The following P3H2 variants were observed in gnomAD, a reference collection of about 807,000 sequenced individuals.
P3H2 encodes the protein leprecan-like 1.
P3H2 carries 80 observed loss-of-function variants against 87.0 expected under a neutral mutation model. That is an observed-to-expected ratio of 0.92 (90% confidence interval 0.77 to 1.11). The LOEUF is 1.11. Ranked by LOEUF, P3H2 falls within the 50% of genes least tolerant of loss-of-function variation. The pLI is 0.00. For synonymous variants in P3H2, 367 were observed against 359.3 expected (o/e 1.02, Z -0.24); for missense variants, 1,001 against 923.9 (o/e 1.08, Z -1.08).
intron 8 of P3H2, among the ~76,000 whole-genome samples, chr3:189,981,894 C>A (rs1723546940): frequency 6.6e-6 from 1 of 152,090 alleles, no homozygotes; most frequent in South Asian, 2.1e-4. Flanking sequence ...AGGTCCAGGT[C>A]AGATTAGATG....
intron 1 of P3H2, among the ~76,000 whole-genome samples, chr3:190,069,806 T>C (rs1726634345): frequency 6.6e-6 from 1 of 152,206 alleles, no homozygotes; most frequent in Non-Finnish European, 1.5e-5. Flanking sequence ...AACTGACCAT[T>C]GGCTCTAGCA....
At chr3:189,969,295 ACCC>A in intron 13 of P3H2, 1 of 914,620 alleles carries the variant, frequency 1.1e-6, no homozygotes, top group Non-Finnish European at 1.8e-6. Context: ...GATAACATCC[ACCC>A]CCCAGGTGCA....
chr3:189,984,950 A>G (rs1723644940), intron 6 of P3H2, among the ~76,000 whole-genome samples: 2 of 152,170 alleles, frequency 1.3e-5, no homozygotes, highest in Admixed American at 6.5e-5. Flanking sequence ...ACAAGCAAAC[A>G]AAATTGAGCT....
intron 1 of P3H2, among the ~76,000 whole-genome samples, chr3:190,088,192 T>G (rs888744757): frequency 6.6e-6 from 1 of 152,222 alleles, no homozygotes; most frequent in Non-Finnish European, 1.5e-5. Context: ...TTTCTTAGGT[T>G]CTTAAAATGA....
chr3:189,994,633 C>T (rs1723989131), intron 2 of P3H2, among the ~76,000 whole-genome samples: 1 of 148,966 alleles, frequency 6.7e-6, no homozygotes. Flanking sequence ...GTGGAAGTGA[C>T]ATCCACTTTT....
chr3:190,075,265 C>A (rs1726833754), intron 1 of P3H2, among the ~76,000 whole-genome samples: 1 of 152,144 alleles, frequency 6.6e-6, no homozygotes, highest in African/African-American at 2.4e-5. Flanking sequence ...GCGGGTGGAT[C>A]ACCTGAGATC....
intron 1 of P3H2, among the ~76,000 whole-genome samples, chr3:190,011,096 C>A (rs1411130305): frequency 6.6e-6 from 1 of 151,928 alleles, no homozygotes; most frequent in Non-Finnish European, 1.5e-5. Flanking sequence ...TTGGTGAAAC[C>A]CCTTTAGTCT....
chr3:190,082,274 A>C (rs541449507), intron 1 of P3H2, among the ~76,000 whole-genome samples: 2 of 152,198 alleles, frequency 1.3e-5, no homozygotes, highest in African/African-American at 4.8e-5. Flanking sequence ...AACAAAACAA[A>C]CAACAACAAA....
intron 8 of P3H2, among the ~76,000 whole-genome samples, chr3:189,979,146 A>C (rs1723446466): frequency 6.6e-6 from 1 of 152,160 alleles, no homozygotes; most frequent in South Asian, 2.1e-4. Context: ...AAAAAGGGCA[A>C]GGCACGGTGG....
chr3:190,039,200 A>AAAC (rs1725522739), intron 1 of P3H2, among the ~76,000 whole-genome samples: 1 of 151,714 alleles, frequency 6.6e-6, no homozygotes, highest in African/African-American at 2.4e-5. Flanking sequence ...AAAAAAAAAA[A>AAAC]TAAAAAAGAA....
At chr3:190,012,473 C>T (rs559978760) in intron 1 of P3H2, among the ~76,000 whole-genome samples, 7 of 152,242 alleles carry the variant, frequency 4.6e-5, no homozygotes, top group Admixed American at 4.6e-4. Flanking sequence ...CCTGACTGCT[C>T]GTGGTTTACC....
At chr3:189,960,484 C>T (rs1722779190) in intron 14 of P3H2, among the ~76,000 whole-genome samples, 1 of 152,176 alleles carries the variant, frequency 6.6e-6, no homozygotes, top group Non-Finnish European at 1.5e-5. Flanking sequence ...TGAAGCCTTT[C>T]TCTGTCTAAA....
chr3:189,966,068 AAGAAG>A (rs1468052148), intron 13 of P3H2, among the ~76,000 whole-genome samples: 3 of 143,870 alleles, frequency 2.1e-5, no homozygotes, highest in Non-Finnish European at 4.5e-5. Flanking sequence ...AAGAAAGAGA[AAGAAG>A]GAAAGAAAGG....
At position 190,040,788 on chromosome 3, in the gene P3H2, A is replaced by G. The variant is rs375905338; in HGVS notation, c.481-45346T>C. Among the ~76,000 whole-genome samples the G allele has an allele frequency of 6.6e-4, 101 of 151,974 alleles. 1 individual carries two copies. The South Asian group carries it at 0.015, about 23-fold the overall frequency. On this transcript the variant is annotated intron_variant, in intron 1 of 14. Coordinates refer to ENST00000319332, the MANE Select transcript of P3H2 (RefSeq NM_018192.4). Reference sequence around the variant, plus strand: ...AAATGAGCTGATTAGCATGCAATCCATTCAACAAATATTTAATTTATGATT... The same window carrying G: ...AAATGAGCTGATTAGCATGCAATCCGTTCAACAAATATTTAATTTATGATT...
Position 190,120,578 on chromosome 3 carries a change from C to A in P3H2, c.154G>T (p.Ala52Ser), listed in dbSNP as rs865964864. ...TAGTCTCCGCTGTAGTAGGCGGCCG[C>A]GCCGCTGGCGTAGAGCAGGTCGAAG... ...QPFDLLYASG[A>S]AAYYSGDYER... Residue 52 changes from alanine to serine, a missense_variant, in exon 1 of 15, where the codon GCG becomes TCG. Coordinates refer to ENST00000319332, the MANE Select transcript of P3H2 (RefSeq NM_018192.4). 2 of 1,540,800 alleles carry A rather than the reference C, an allele frequency of 1.3e-6. No homozygotes were observed. The highest frequency in any genetic ancestry group is 1.4e-5 in the African/African-American group (1 of 70,544).
chr3:189,969,460 T>A (rs1723104707), intron 13 of P3H2: 2 of 884,274 alleles, frequency 2.3e-6, no homozygotes, highest in East Asian at 4.8e-5. Context: ...TATGGCACAC[T>A]CCTCTAGCAC....
At chr3:190,011,647 T>C (rs898624856) in intron 1 of P3H2, among the ~76,000 whole-genome samples, 1 of 152,198 alleles carries the variant, frequency 6.6e-6, no homozygotes, top group Non-Finnish European at 1.5e-5. Flanking sequence ...GGGAATGTCA[T>C]CTTAATTTCG....
rs762696516 is a variant in P3H2, at chr3:190,120,472, T to A, written c.260A>T (p.His87Leu). 2 of 1,418,188 alleles carry A rather than the reference T, an allele frequency of 1.4e-6. No homozygotes were observed. The highest frequency in any genetic ancestry group is 1.5e-5 in the South Asian group (1 of 64,978). The allele number at this position is 1,418,188 out of a possible 1,614,324, so 87.9% of individuals were successfully genotyped here. Residue 87 changes from histidine (H) to leucine (L), a missense_variant, in exon 1 of 15, where the codon CAC becomes CTC. Coordinates refer to ENST00000319332, the MANE Select transcript of P3H2 (RefSeq NM_018192.4). ...LREIRTRCAR[H>L]CAARHPLPPP... ...CGGGAGCGGGTGGCGCGCCGCGCAGTGGCGGGCACAGCGCGTGCGGATTTC... is the reference window on the plus strand; with the variant it reads ...CGGGAGCGGGTGGCGCGCCGCGCAGAGGCGGGCACAGCGCGTGCGGATTTC...
chr3:190,018,775 T>C (rs1019568461), intron 1 of P3H2, among the ~76,000 whole-genome samples: 1 of 152,210 alleles, frequency 6.6e-6, no homozygotes, highest in Admixed American at 6.5e-5. Flanking sequence ...AAGTTAGATA[T>C]AGGCATAAGA....
Sources: allele counts gnomAD v4.1 joint callset (sites outside exome capture counted in the v4.1 genomes callset), GRCh38; gene constraint gnomAD v4.1.1; transcripts MANE v1.5; gene names NCBI Gene and HGNC (gene_info 2026-07-23, HGNC 2026-07-21).